Variants in RIMS2 observed in about 807,000 individuals in gnomAD.
RIMS2 encodes regulating synaptic membrane exocytosis protein 2.
In RIMS2, 59 loss-of-function variants were observed where a neutral mutation model predicts 174.4. The ratio of observed to expected loss-of-function variants is 0.34; its 90% CI spans 0.27 to 0.42. The LOEUF is 0.42. Among genes scored for constraint, RIMS2 ranks in the 10% least tolerant of loss-of-function variants. RIMS2 has a pLI of 1.00. For synonymous variants in RIMS2, 606 were observed against 572.5 expected (o/e 1.06, Z -0.84); for missense variants, 1,620 against 1,666.3 (o/e 0.97, Z 0.48).
rs565704157 is a variant in RIMS2 at position 103,578,117 on chromosome 8, G to A, written c.176+77055G>A. Among the ~76,000 whole-genome samples the A allele has an allele frequency of 3.9e-5, 6 of 152,296 alleles. No homozygotes were observed. The South Asian group carries it at 1.2e-3, about 32-fold the overall frequency. ...GAAAAGAAATAAATATCCAGGTGCA[G>A]GAAGGTCAGAGAACACCAAACAGAT... is the stretch of plus-strand genomic sequence containing the variant. On this transcript the variant is annotated intron_variant, in intron 1 of 23. Coordinates refer to ENST00000504942, the Ensembl canonical transcript of RIMS2.
intron 16 of RIMS2, among the ~76,000 whole-genome samples, chr8:103,978,383 T>C (rs2093626689): frequency 6.6e-6 from 1 of 152,098 alleles, no homozygotes; most frequent in African/African-American, 2.4e-5. Flanking sequence ...AAAAAATGAA[T>C]GCAATGTCAA....
intron 19 of RIMS2, chr8:104,094,438 T>A (rs1363154787): frequency 1.7e-6 from 1 of 599,096 alleles, no homozygotes; most frequent in Non-Finnish European, 3.0e-6. Context: ...TTTTTTTGTG[T>A]GTTTATTTGC....
At chr8:103,748,890 T>G (rs1454810030) in intron 2 of RIMS2, among the ~76,000 whole-genome samples, 2 of 151,988 alleles carry the variant, frequency 1.3e-5, no homozygotes, top group Non-Finnish European at 2.9e-5. Flanking sequence ...AACCTCCGCC[T>G]CCCAGGTTCA....
chr8:103,882,471 T>C (rs1324982655), intron 3 of RIMS2, among the ~76,000 whole-genome samples: 3 of 151,642 alleles, frequency 2.0e-5, no homozygotes, highest in Non-Finnish European at 3.0e-5. Context: ...GTTTCTCGCA[T>C]AGTGTTAACA....
intron 19 of RIMS2, among the ~76,000 whole-genome samples, chr8:104,214,614 A>G (rs2137996031): frequency 6.6e-6 from 1 of 152,128 alleles, no homozygotes; most frequent in Admixed American, 6.5e-5. Flanking sequence ...CACCCAGCTA[A>G]TTTTTGTATT....
At chr8:103,576,104 C>T (rs1267442306) in intron 1 of RIMS2, among the ~76,000 whole-genome samples, 1 of 152,148 alleles carries the variant, frequency 6.6e-6, no homozygotes, top group African/African-American at 2.4e-5. Flanking sequence ...AGATGCCATG[C>T]TGTAGAAGGT....
chr8:103,601,555 A>G (rs930681104), intron 1 of RIMS2, among the ~76,000 whole-genome samples: 3 of 151,782 alleles, frequency 2.0e-5, no homozygotes, highest in Non-Finnish European at 4.4e-5. Context: ...GTCTATATGC[A>G]TATATATAGG....
At chr8:104,030,115 G>T (rs528679736) in intron 19 of RIMS2, among the ~76,000 whole-genome samples, 2 of 152,050 alleles carry the variant, frequency 1.3e-5, no homozygotes, top group Non-Finnish European at 2.9e-5. Context: ...AAATATGTTA[G>T]TATTCCACTA....
At chr8:103,959,416 C>A (rs1019745993) in intron 14 of RIMS2, among the ~76,000 whole-genome samples, 1 of 151,568 alleles carries the variant, frequency 6.6e-6, no homozygotes, top group East Asian at 1.9e-4. Flanking sequence ...AACATGCATA[C>A]CTAAAAAAGT....
intron 9 of RIMS2, among the ~76,000 whole-genome samples, chr8:103,921,256 A>G (rs1209465315): frequency 6.6e-6 from 1 of 152,034 alleles, no homozygotes; most frequent in Non-Finnish European, 1.5e-5. Context: ...AAATTTAATA[A>G]TTTTGCACTT....
intron 1 of RIMS2, among the ~76,000 whole-genome samples, chr8:103,556,222 G>A (rs575088172): frequency 1.3e-5 from 2 of 152,098 alleles, no homozygotes; most frequent in East Asian, 1.9e-4. Context: ...GATATATGAG[G>A]TAATGCATTT....
chr8:103,937,387 A>G (rs2081512135), intron 13 of RIMS2, among the ~76,000 whole-genome samples: 1 of 152,198 alleles, frequency 6.6e-6, no homozygotes, highest in Non-Finnish European at 1.5e-5. Context: ...AACAGACTGT[A>G]CCACTAATAA....
intron 3 of RIMS2, among the ~76,000 whole-genome samples, chr8:103,790,690 G>T (rs540062395): frequency 2.6e-4 from 40 of 152,112 alleles, no homozygotes; most frequent in African/African-American, 9.6e-4. Flanking sequence ...ATCTTTTCTT[G>T]TGTTCAATGG....
At chr8:104,029,918 A>T (rs981961920) in intron 19 of RIMS2, among the ~76,000 whole-genome samples, 1 of 152,218 alleles carries the variant, frequency 6.6e-6, no homozygotes, top group Non-Finnish European at 1.5e-5. Context: ...TTTAATATTA[A>T]TGAGATTATT....
At chr8:104,204,479 G>A (rs544583991) in intron 19 of RIMS2, among the ~76,000 whole-genome samples, 1 of 152,226 alleles carries the variant, frequency 6.6e-6, no homozygotes, top group Admixed American at 6.5e-5. Flanking sequence ...CTGCCTTACA[G>A]GGGTGTTGTA....
chr8:103,994,006 G>A (rs996433895), intron 17 of RIMS2, among the ~76,000 whole-genome samples: 8 of 142,688 alleles, frequency 5.6e-5, no homozygotes, highest in African/African-American at 7.9e-5. Context: ...AGCTGAGATC[G>A]CACCACTGCA....
At chr8:104,210,469 T>TA (rs2099100369) in intron 19 of RIMS2, among the ~76,000 whole-genome samples, 1 of 152,208 alleles carries the variant, frequency 6.6e-6, no homozygotes, top group African/African-American at 2.4e-5. Flanking sequence ...GAGGGCCCTA[T>TA]ACTTTGAGTC....
intron 1 of RIMS2, among the ~76,000 whole-genome samples, chr8:103,598,318 A>T (rs1290121101): frequency 6.6e-6 from 1 of 152,220 alleles, no homozygotes; most frequent in African/African-American, 2.4e-5. Context: ...TCATACGGAC[A>T]TTTGAAGCTC....
intron 1 of RIMS2, among the ~76,000 whole-genome samples, chr8:103,597,681 C>G (rs1413958243): frequency 6.6e-6 from 1 of 152,042 alleles, no homozygotes; most frequent in Non-Finnish European, 1.5e-5. Flanking sequence ...AACAACCTGC[C>G]TTTCTGCATC....
Sources: allele counts gnomAD v4.1 joint callset (sites outside exome capture counted in the v4.1 genomes callset), GRCh38; gene constraint gnomAD v4.1.1; transcripts MANE v1.5; gene names NCBI Gene and HGNC (gene_info 2026-07-23, HGNC 2026-07-21).